Variants in KLHL13 observed in about 807,000 individuals in gnomAD.
The protein encoded by KLHL13 is kelch like family member 13.
KLHL13 carries 10 observed loss-of-function variants against 37.1 expected under a neutral mutation model. That is an observed-to-expected ratio of 0.27 (90% CI 0.17 to 0.46). The LOEUF is 0.46. KLHL13 is among the 20% of genes least tolerant of loss of function. The pLI is 1.00. For synonymous variants in KLHL13, 163 were observed against 181.2 expected (o/e 0.90, Z 0.81); for missense variants, 360 against 509.3 (o/e 0.71, Z 2.82).
At chrX:118,108,321 T>C (rs1203417819) in intron 1 of KLHL13, among the ~76,000 whole-genome samples, 1 of 112,212 alleles carries the variant, frequency 8.9e-6, no homozygotes, top group African/African-American at 3.2e-5. Context: ...TGTCAGGCCC[T>C]GTGAACTATG....
At chrX:118,096,749 C>A (rs754942632) in intron 1 of KLHL13, among the ~76,000 whole-genome samples, 3 of 111,738 alleles carry the variant, frequency 2.7e-5, no homozygotes, top group African/African-American at 9.7e-5. Context: ...TGGGCTTCAT[C>A]CCTGGGATGC....
At chrX:118,072,739 A>G (rs943316907) in intron 1 of KLHL13, among the ~76,000 whole-genome samples, 1 of 112,240 alleles carries the variant, frequency 8.9e-6, no homozygotes, top group East Asian at 2.8e-4. Flanking sequence ...TATGCAATAG[A>G]TCCACAAAAG....
At chrX:118,091,939 A>C (rs2055140719) in intron 1 of KLHL13, among the ~76,000 whole-genome samples, 1 of 112,363 alleles carries the variant, frequency 8.9e-6, no homozygotes, top group Admixed American at 9.4e-5. Flanking sequence ...GAATATTCTA[A>C]GTGAAGTAAC....
intron 1 of KLHL13, among the ~76,000 whole-genome samples, chrX:118,060,715 A>T (rs757862559): frequency 3.6e-5 from 4 of 111,464 alleles, no homozygotes; most frequent in Admixed American, 9.6e-5. Context: ...CTGAACTGCA[A>T]CCACTAAATT....
rs767382489 is a variant in KLHL13 at position 117,910,100 on chromosome X, T to C, written c.571-4A>G. ...CAACACAGTTGTCTAAAGTGACCTA[T>C]TAAGCCAATTAAAAAAAATTAAAAC... On this transcript the variant is annotated splice_region_variant and splice_polypyrimidine_tract_variant and intron_variant, in intron 4 of 6. Coordinates refer to ENST00000262820, the Ensembl canonical transcript of KLHL13. The C allele has an allele frequency of 8.8e-7, 1 of 1,131,438 alleles. No individual in the cohort carries two copies. The highest frequency in any genetic ancestry group is 1.2e-6 in the Non-Finnish European group (1 of 858,062). 93.2% of individuals were successfully genotyped at this position (1,131,438 alleles called of 1,213,427 possible).
chrX:118,039,575 G>C (rs2054486419), intron 1 of KLHL13, among the ~76,000 whole-genome samples: 2 of 111,749 alleles, frequency 1.8e-5, no homozygotes, highest in Non-Finnish European at 3.8e-5. Context: ...CAGCAGACTA[G>C]AGCACCAGGT....
At chrX:117,960,096 G>A (rs1392456938) in intron 1 of KLHL13, among the ~76,000 whole-genome samples, 1 of 110,746 alleles carries the variant, frequency 9.0e-6, no homozygotes, top group East Asian at 2.8e-4. Flanking sequence ...ACCATCAGAA[G>A]GCCAAGTGTG....
chrX:117,985,564 A>G (rs887588016), intron 1 of KLHL13, among the ~76,000 whole-genome samples: 9 of 110,966 alleles, frequency 8.1e-5, no homozygotes, highest in Non-Finnish European at 1.7e-4. Flanking sequence ...TGAAAATGAG[A>G]AGCACATATA....
At chrX:117,973,498 G>A (rs191677325) in exon 1 of KLHL13, 211 of 911,698 alleles carry the variant, frequency 2.3e-4, no homozygotes, top group Middle Eastern at 1.3e-3. Flanking sequence ...GGAAAAGCCC[G>A]TTTCAAAAAT....
intron 1 of KLHL13, among the ~76,000 whole-genome samples, chrX:118,020,606 T>C (rs1243130574): frequency 9.0e-6 from 1 of 110,530 alleles, no homozygotes; most frequent in African/African-American, 3.3e-5. Context: ...GATCTAGAAC[T>C]AGAAATACCA....
At chrX:117,965,371 C>A (rs1348993487) in intron 1 of KLHL13, among the ~76,000 whole-genome samples, 4 of 111,970 alleles carry the variant, frequency 3.6e-5, no homozygotes, top group Non-Finnish European at 7.5e-5. Context: ...TGTCTTTTGG[C>A]TGCATAAATG....
intron 1 of KLHL13, chrX:118,028,455 C>T (rs1230452735): frequency 5.3e-6 from 6 of 1,131,253 alleles, no homozygotes; most frequent in Middle Eastern, 2.3e-4. Flanking sequence ...ACCAATTCCC[C>T]TCTATGCAGA....
intron 1 of KLHL13, among the ~76,000 whole-genome samples, chrX:118,078,153 C>T (rs2054947500): frequency 9.0e-6 from 1 of 111,631 alleles, no homozygotes; most frequent in Admixed American, 9.5e-5. Flanking sequence ...TATAGTTTAG[C>T]GTCACCTGTA....
intron 1 of KLHL13, among the ~76,000 whole-genome samples, chrX:118,013,292 A>C (rs1173582120): frequency 8.9e-6 from 1 of 111,869 alleles, no homozygotes; most frequent in Non-Finnish European, 1.9e-5. Context: ...GTCAAAGGAA[A>C]CCTCTCAGAG....
At position 117,983,450 on chromosome X, in the gene KLHL13, G is replaced by T. The variant is rs745650774; in HGVS notation, c.-55-37875C>A. Reference sequence around the variant, plus strand: ...AATTCGCACTGAAAAAAAAAAAAAGGTGAGGAAAAATGTAGACCCCTGGAC... The same window carrying T: ...AATTCGCACTGAAAAAAAAAAAAAGTTGAGGAAAAATGTAGACCCCTGGAC... On this transcript the variant is annotated intron_variant, in intron 1 of 6. Transcript: ENST00000371882. 74 of 962,009 alleles carry T rather than the reference G, an allele frequency of 7.7e-5. No homozygotes were observed. The South Asian group carries it at 1.7e-3, about 22-fold the overall frequency. The allele number at this position is 962,009 out of a possible 1,213,427, so 79.3% of individuals were successfully genotyped here.
intron 2 of KLHL13, among the ~76,000 whole-genome samples, chrX:117,930,556 G>T (rs1261061987): frequency 9.0e-6 from 1 of 111,680 alleles, no homozygotes; most frequent in African/African-American, 3.3e-5. Context: ...TTTCAAGTTG[G>T]TATGTGATAG....
At chrX:117,983,562 A>G (rs1403508303) in intron 1 of KLHL13, 2 of 1,086,602 alleles carry the variant, frequency 1.8e-6, no homozygotes, top group East Asian at 3.3e-5. Flanking sequence ...GTGGAGTGCA[A>G]AAAGAAACCT....
In KLHL13 at chrX:118,098,419, G is replaced by T. The variant is rs767253268; in HGVS notation, c.-56+18089C>A. ...AGAATGGCAATCATTAAAAAGTCAG[G>T]AAACAACAGGTGCTGGAGAGGATGT... On this transcript the variant is annotated intron_variant, in intron 1 of 6. Transcript: ENST00000371882. 4.4e-3 allele frequency among the ~76,000 whole-genome samples: 490 copies of T among 110,610 alleles called. 6 individuals are homozygous for T. Among genetic ancestry groups the T allele is most frequent in the African/African-American group, 0.015 (438 of 30,047 alleles).
chrX:117,939,875 C>T (rs746537845), intron 2 of KLHL13, among the ~76,000 whole-genome samples: 3 of 111,337 alleles, frequency 2.7e-5, no homozygotes, highest in Non-Finnish European at 5.7e-5. Flanking sequence ...CAAAAATTTT[C>T]TCCCATTCTG....
Sources: allele counts gnomAD v4.1 joint callset (sites outside exome capture counted in the v4.1 genomes callset), GRCh38; gene constraint gnomAD v4.1.1; transcripts MANE v1.5; gene names NCBI Gene and HGNC (gene_info 2026-07-23, HGNC 2026-07-21).